Variants in RPTOR observed in about 807,000 individuals in gnomAD.
RPTOR encodes the protein regulatory associated protein of MTOR complex 1, also known as regulatory-associated protein of mTOR.
In RPTOR, 21 loss-of-function variants were observed where a neutral mutation model predicts 169.9. The ratio of observed to expected loss-of-function variants is 0.12; its 90% confidence interval spans 0.09 to 0.18. The LOEUF is 0.18. RPTOR is among the 10% of genes least tolerant of loss of function. The pLI is 1.00. For synonymous variants in RPTOR, 732 were observed against 753.2 expected, an observed-to-expected ratio of 0.97 and a Z score of 0.46; for missense variants, 1,133 against 1,855.9, an observed-to-expected ratio of 0.61 and a Z score of 7.16.
chr17:80,756,261 G>A (rs971117641), intron 6 of RPTOR, among the ~76,000 whole-genome samples: 5 of 152,182 alleles, frequency 3.3e-5, no homozygotes, highest in African/African-American at 1.2e-4. Flanking sequence ...TCTGCCATGG[G>A]ATGGCACAGC....
At chr17:80,935,726 C>T (rs1598410583) in intron 24 of RPTOR, among the ~76,000 whole-genome samples, 1 of 152,068 alleles carries the variant, frequency 6.6e-6, no homozygotes, top group East Asian at 1.9e-4. Context: ...CAGAGTGAAT[C>T]ATAGCCCTAA....
At chr17:80,714,377 G>T (rs191124837) in intron 4 of RPTOR, among the ~76,000 whole-genome samples, 1 of 152,070 alleles carries the variant, frequency 6.6e-6, no homozygotes, top group Admixed American at 6.5e-5. Context: ...TTATACAGCC[G>T]TCCACACAAC....
At chr17:80,728,760 A>G (rs1324454537) in intron 4 of RPTOR, among the ~76,000 whole-genome samples, 4 of 150,778 alleles carry the variant, frequency 2.7e-5, no homozygotes, top group Non-Finnish European at 5.9e-5. Flanking sequence ...TCTGTACTAT[A>G]TAATCATCTT....
chr17:80,618,713 G>A (rs1212876062), intron 1 of RPTOR, among the ~76,000 whole-genome samples: 4 of 152,210 alleles, frequency 2.6e-5, no homozygotes, highest in Non-Finnish European at 2.9e-5. Flanking sequence ...TCAAGGTAAC[G>A]AGCTGAGCTC....
chr17:80,851,167 G>A (rs575738312), intron 11 of RPTOR, among the ~76,000 whole-genome samples: 9 of 152,238 alleles, frequency 5.9e-5, no homozygotes, highest in Non-Finnish European at 8.8e-5. Flanking sequence ...GGCCTCAAGC[G>A]ATCCTCCAGC....
At chr17:80,790,318 C>G (rs1024219906) in intron 6 of RPTOR, among the ~76,000 whole-genome samples, 3 of 152,246 alleles carry the variant, frequency 2.0e-5, no homozygotes, top group Admixed American at 2.0e-4. Context: ...ATAACTTCCT[C>G]TCTGCTGGCT....
In RPTOR at chr17:80,891,809, C is replaced by A; in HGVS notation, c.2073C>A (p.Asn691Lys). ...VALQFIEEEK[N>K]YALPSPATTE... ...TGCAGTTCATAGAAGAGGAAAAGAA[C>A]TACGCCTTGCCTTCTCCAGCAACCA... is the stretch of plus-strand genomic sequence containing the variant. Residue 691 changes from asparagine (N) to lysine (K), a missense_variant, in exon 18 of 34, where the codon AAC (asparagine) becomes AAA (lysine). Around this residue, in one of 9 missense-constraint regions of RPTOR, gnomAD observed 150 missense variants for 206.4 expected, o/e 0.73. Transcript: ENST00000306801. The A allele has an allele frequency of 6.2e-7, 1 of 1,613,872 alleles. No individual in the cohort carries two copies. Among genetic ancestry groups the A allele is most frequent in the Non-Finnish European group, 8.5e-7 (1 of 1,179,790 alleles).
intron 5 of RPTOR, among the ~76,000 whole-genome samples, chr17:80,737,301 G>T (rs184056178): frequency 3.9e-5 from 6 of 152,208 alleles, no homozygotes; most frequent in Non-Finnish European, 7.3e-5. Context: ...CTGCGCTGGG[G>T]ACTCATGGAT....
intron 1 of RPTOR, among the ~76,000 whole-genome samples, chr17:80,601,558 T>C (rs144994770): frequency 0.19 from 3,118 of 16,186 alleles, 1,080 homozygotes; most frequent in African/African-American, 0.47. Flanking sequence ...GTTCAGTCTT[T>C]TTTTTTTTTT....
At chr17:80,806,405 C>T (rs997857016) in intron 7 of RPTOR, among the ~76,000 whole-genome samples, 1 of 152,106 alleles carries the variant, frequency 6.6e-6, no homozygotes, top group Non-Finnish European at 1.5e-5. Context: ...GTTGCTTGAA[C>T]ATGTATCTCT....
chr17:80,812,469 C>T (rs909706868), intron 7 of RPTOR, among the ~76,000 whole-genome samples: 4 of 152,112 alleles, frequency 2.6e-5, no homozygotes, highest in Admixed American at 6.5e-5. Flanking sequence ...AGAGTCTCAG[C>T]TCAACAACTG....
At position 80,582,435 on chromosome 17, in the gene RPTOR, G is replaced by A. The variant is rs149078793; in HGVS notation, c.162+36644G>A. On this transcript the variant is annotated intron_variant, in intron 1 of 33. Transcript: ENST00000306801. ...CCCTGAACAATTGGACTGTGTGGAC[G>A]CAGATCCTGCTTCCCTGAGCTGCAC... 9.7e-3 allele frequency among the ~76,000 whole-genome samples: 1,472 copies of A among 152,134 alleles called. 13 individuals carry two copies. Among genetic ancestry groups the A allele is most frequent in the Non-Finnish European group, 0.015 (1,007 of 68,004 alleles).
intron 3 of RPTOR, among the ~76,000 whole-genome samples, chr17:80,689,453 T>C (rs752828510): frequency 2.4e-4 from 37 of 152,228 alleles, no homozygotes; most frequent in Admixed American, 4.6e-4. Flanking sequence ...GGCCTCGTCT[T>C]ACGCATGTGG....
intron 4 of RPTOR, among the ~76,000 whole-genome samples, chr17:80,714,225 G>A (rs1301167806): frequency 6.6e-6 from 1 of 152,190 alleles, no homozygotes; most frequent in Non-Finnish European, 1.5e-5. Flanking sequence ...ACGGATGTGA[G>A]CCACCGTGCC....
At chr17:80,697,684 G>A (rs754491080) in intron 3 of RPTOR, among the ~76,000 whole-genome samples, 2 of 152,240 alleles carry the variant, frequency 1.3e-5, no homozygotes, top group Non-Finnish European at 2.9e-5. Flanking sequence ...GATTAGCCAC[G>A]GTGGGAACGT....
rs1417162661 is a variant in RPTOR, at chr17:80,643,835, C to T, written c.348+25C>T. On this transcript the variant is annotated intron_variant, in intron 3 of 33. Transcript: ENST00000306801. Reference sequence around the variant, plus strand: ...GGTAAGTGTGCTTCACTTGCTCTTCCCTTTCCTTCTTACAGGGAAACTCCA... The same window carrying T: ...GGTAAGTGTGCTTCACTTGCTCTTCTCTTTCCTTCTTACAGGGAAACTCCA... The T allele has an allele frequency of 2.5e-6, 4 of 1,570,030 alleles. No homozygotes were observed. In the Admixed American group the frequency reaches 5.1e-5, roughly 20 times the overall value.
At chr17:80,880,525 G>A in intron 14 of RPTOR, 36 bp downstream of exon 14, 1 of 1,594,372 alleles carries the variant, frequency 6.3e-7, no homozygotes, top group Non-Finnish European at 8.6e-7. Context: ...ACGGGCTTGG[G>A]ACTCAGCACT....
chr17:80,594,302 C>A (rs1450233406), intron 1 of RPTOR, among the ~76,000 whole-genome samples: 1 of 152,138 alleles, frequency 6.6e-6, no homozygotes, highest in Non-Finnish European at 1.5e-5. Context: ...CCATGTTGGC[C>A]AGGCTGGTCT....
chr17:80,685,611 ATATATATATATATATATTTTTT>A (rs2065934534), intron 3 of RPTOR, among the ~76,000 whole-genome samples: 1 of 10,114 alleles, frequency 9.9e-5, no homozygotes, highest in African/African-American at 3.2e-4. Flanking sequence ...CCATATATAT[ATATATATATATATATATTTTTT>A]TTTTTTTTTT....
Sources: gnomAD v4.1 joint callset for allele counts (sites outside exome capture counted in the v4.1 genomes callset) on GRCh38, gnomAD v4.1.1 for gene constraint, gnomAD v4.1.1 regional missense constraint, MANE v1.5 for transcripts, NCBI Gene and HGNC (gene_info 2026-07-23, HGNC 2026-07-21) for gene names.